GPM6A: variants seen among roughly 807,000 people sequenced by gnomAD.
The protein encoded by GPM6A is glycoprotein M6A, also known as neuronal membrane glycoprotein M6-a.
In GPM6A, 7 loss-of-function variants were observed where a neutral mutation model predicts 32.1. The observed-to-expected ratio is 0.22, with a 90% CI of 0.12 to 0.41. The LOEUF is 0.41. Ranked by LOEUF, GPM6A falls within the 10% of genes least tolerant of loss-of-function variation. GPM6A has a pLI of 1.00. For missense variants in GPM6A, 235 were observed against 347.2 expected (o/e 0.68, Z 2.57); for synonymous variants, 130 against 123.4 (o/e 1.05, Z -0.35).
chr4:175,812,147 C>CA (rs1734943895), intron 1 of GPM6A, 44 bp downstream of exon 1: 9 of 1,428,160 alleles, frequency 6.3e-6, no homozygotes, highest in Non-Finnish European at 8.7e-6. Context: ...AAGGAAACTG[C>CA]AAAATAATTA....
chr4:175,829,002 C>A (rs1348217704), intron 1 of GPM6A, among the ~76,000 whole-genome samples: 1 of 152,176 alleles, frequency 6.6e-6, no homozygotes, highest in Non-Finnish European at 1.5e-5. Flanking sequence ...TGGCTCACTG[C>A]AACCTCCACC....
intron 1 of GPM6A, among the ~76,000 whole-genome samples, chr4:175,763,044 C>T (rs1415579384): frequency 6.6e-6 from 1 of 152,066 alleles, no homozygotes; most frequent in African/African-American, 2.4e-5. Context: ...GAATTGTACA[C>T]ATTAATTGGG....
At chr4:175,915,392 T>A (rs1738460493) in intron 1 of GPM6A, among the ~76,000 whole-genome samples, 1 of 151,856 alleles carries the variant, frequency 6.6e-6, no homozygotes, top group Non-Finnish European at 1.5e-5. Flanking sequence ...GTTCAAGCAA[T>A]TCTCCTGCCT....
At chr4:175,679,942 G>A (rs1743587095) in intron 2 of GPM6A, among the ~76,000 whole-genome samples, 1 of 152,092 alleles carries the variant, frequency 6.6e-6, no homozygotes, top group Non-Finnish European at 1.5e-5. Context: ...TCAGAAACAG[G>A]CATCTCTTTG....
chr4:175,749,444 T>A (rs541716426), intron 1 of GPM6A, among the ~76,000 whole-genome samples: 1 of 152,264 alleles, frequency 6.6e-6, no homozygotes, highest in Non-Finnish European at 1.5e-5. Context: ...TTATAAAAAA[T>A]GCACTGTCTG....
intron 2 of GPM6A, among the ~76,000 whole-genome samples, chr4:175,680,337 C>T (rs554356054): frequency 6.6e-6 from 1 of 152,208 alleles, no homozygotes; most frequent in South Asian, 2.1e-4. Flanking sequence ...AGAATATTAA[C>T]ACGTTTATTC....
intron 1 of GPM6A, among the ~76,000 whole-genome samples, chr4:175,711,565 A>G (rs891662775): frequency 2.0e-5 from 3 of 148,904 alleles, no homozygotes; most frequent in Non-Finnish European, 4.5e-5. Context: ...AATATTACAA[A>G]ATATATTGCA....
chr4:175,966,196 C>T (rs1740329922), intron 1 of GPM6A, among the ~76,000 whole-genome samples: 1 of 151,736 alleles, frequency 6.6e-6, no homozygotes, highest in South Asian at 2.1e-4. Flanking sequence ...TGCTTAAACT[C>T]AGGAGTTCAA....
intron 1 of GPM6A, among the ~76,000 whole-genome samples, chr4:175,794,242 TG>T (rs144630687): frequency 0.012 from 1,894 of 152,338 alleles, 31 homozygotes; most frequent in African/African-American, 0.042. Flanking sequence ...GTGAGGATTA[TG>T]CAAATTAATA....
chr4:175,658,374 A>G (rs1013670976), intron 3 of GPM6A, among the ~76,000 whole-genome samples: 22 of 152,112 alleles, frequency 1.4e-4, no homozygotes, highest in African/African-American at 5.3e-4. Context: ...GGAAAAAGAA[A>G]AAGTATGGAG....
chr4:175,922,555 C>A (rs1018782154), intron 1 of GPM6A, among the ~76,000 whole-genome samples: 1 of 152,112 alleles, frequency 6.6e-6, no homozygotes, highest in Non-Finnish European at 1.5e-5. Context: ...GAAACTCACA[C>A]CAAAAAGAAG....
chr4:175,673,627 T>C (rs1228125431), intron 3 of GPM6A, 53 bp downstream of exon 3: 10 of 1,292,460 alleles, frequency 7.7e-6, no homozygotes, highest in Non-Finnish European at 1.1e-5. Context: ...CAAACACCTG[T>C]GTGCTATTGA....
intron 1 of GPM6A, among the ~76,000 whole-genome samples, chr4:175,928,150 A>C (rs1368399755): frequency 6.6e-6 from 1 of 152,226 alleles, no homozygotes; most frequent in Non-Finnish European, 1.5e-5. Context: ...TTATAAAATA[A>C]GTGTCCGGAA....
chr4:175,761,891 T>A (rs1440758531), intron 1 of GPM6A, among the ~76,000 whole-genome samples: 1 of 151,756 alleles, frequency 6.6e-6, no homozygotes, highest in East Asian at 1.9e-4. Context: ...GCCTCCCAGG[T>A]TCAAGCAATT....
chr4:175,800,545 A>G (rs1734432538), intron 1 of GPM6A, among the ~76,000 whole-genome samples: 1 of 152,138 alleles, frequency 6.6e-6, no homozygotes, highest in South Asian at 2.1e-4. Context: ...CTTAATAAAT[A>G]ATAGCTAAAA....
At chr4:175,938,370 C>A (rs1739304345) in intron 1 of GPM6A, among the ~76,000 whole-genome samples, 1 of 152,238 alleles carries the variant, frequency 6.6e-6, no homozygotes, top group Non-Finnish European at 1.5e-5. Context: ...CTCCCACCAA[C>A]AGTGTAAAAG....
chr4:175,645,010 G>T (rs536487562), intron 4 of GPM6A, among the ~76,000 whole-genome samples: 38 of 152,238 alleles, frequency 2.5e-4, no homozygotes, highest in African/African-American at 8.2e-4. Flanking sequence ...TAAGGCAGGA[G>T]AATCGCTTGA....
At chr4:175,765,010 A>G (rs1272841267) in intron 1 of GPM6A, among the ~76,000 whole-genome samples, 1 of 151,882 alleles carries the variant, frequency 6.6e-6, no homozygotes, top group African/African-American at 2.4e-5. Flanking sequence ...AATAGCTGGG[A>G]TTACAGGTGC....
chr4:175,704,600 A>T (rs956097441), intron 1 of GPM6A, among the ~76,000 whole-genome samples: 18 of 152,296 alleles, frequency 1.2e-4, no homozygotes, highest in African/African-American at 4.1e-4. Flanking sequence ...TCATAAAAAA[A>T]TTAGTGCCAG....
Sources: allele counts gnomAD v4.1 joint callset (sites outside exome capture counted in the v4.1 genomes callset), GRCh38; gene constraint gnomAD v4.1.1; transcripts MANE v1.5; gene names NCBI Gene and HGNC (gene_info 2026-07-23, HGNC 2026-07-21).